IGF2BP1: variants seen among roughly 807,000 people sequenced by gnomAD.
IGF2BP1 encodes insulin-like growth factor 2 mRNA-binding protein 1.
A neutral mutation model predicts 74.9 loss-of-function variants in IGF2BP1; 11 were observed. That is an observed-to-expected ratio of 0.15 (90% CI 0.09 to 0.24). IGF2BP1 has a LOEUF of 0.24. Among genes scored for constraint, IGF2BP1 ranks in the 10% least tolerant of loss-of-function variants. IGF2BP1 has a pLI of 1.00. For synonymous variants in IGF2BP1, 287 were observed against 281.8 expected, an observed-to-expected ratio of 1.02 and a Z score of -0.18; for missense variants, 440 against 757.4, an observed-to-expected ratio of 0.58 and a Z score of 4.92.
intron 2 of IGF2BP1, among the ~76,000 whole-genome samples, chr17:49,023,159 C>T (rs1255735696): frequency 6.6e-6 from 1 of 152,116 alleles, no homozygotes; most frequent in Non-Finnish European, 1.5e-5. Flanking sequence ...GTGGGGGTTC[C>T]CTCTTGGCCA....
intron 2 of IGF2BP1, among the ~76,000 whole-genome samples, chr17:49,015,264 TGCCCGGCCGTGACCGTATG>T (rs1373953353): frequency 6.6e-6 from 1 of 152,196 alleles, no homozygotes; most frequent in Non-Finnish European, 1.5e-5. Flanking sequence ...TGAACCACTT[TGCCCGGCCGTGACCGTATG>T]GCTTTTAAGC....
chr17:49,028,864 G>A (rs1485249825), intron 4 of IGF2BP1, among the ~76,000 whole-genome samples: 1 of 152,174 alleles, frequency 6.6e-6, no homozygotes, highest in Non-Finnish European at 1.5e-5. Context: ...CTGGAGTGCA[G>A]TGGTGCGATC....
chr17:49,043,422 C>G lies in IGF2BP1; in HGVS notation c.1078-6C>G, dbSNP rs1430695539. On this transcript the variant is annotated splice_region_variant and splice_polypyrimidine_tract_variant and intron_variant, in intron 9 of 14. Transcript: ENST00000290341. The stretch of plus-strand genomic sequence containing the variant: ...CTGACTCTTCCTCCTCATCTTTCTT[C>G]CCCAGCTGCAGTCTCACCTGATCCC... 3.7e-6 allele frequency: 6 copies of G among 1,613,658 alleles called. 1 individual carries two copies. The East Asian group carries it at 1.3e-4, about 36-fold the overall frequency.
intron 2 of IGF2BP1, chr17:49,015,021 A>G (rs1307828358): frequency 1.2e-6 from 1 of 818,518 alleles, no homozygotes; most frequent in Non-Finnish European, 1.5e-6. Context: ...TGAAACCCCG[A>G]GTGCCTGAGC....
intron 2 of IGF2BP1, among the ~76,000 whole-genome samples, chr17:49,019,940 A>ATATG (rs2041764336): frequency 1.2e-4 from 6 of 49,896 alleles, no homozygotes; most frequent in African/African-American, 5.6e-4. Flanking sequence ...ATATATATAT[A>ATATG]TATATATATT....
upstream of IGF2BP1, among the ~76,000 whole-genome samples, chr17:48,996,669 G>A (rs191512599): frequency 1.2e-3 from 178 of 152,278 alleles, no homozygotes; most frequent in African/African-American, 4.2e-3. Flanking sequence ...ACCCCGAAAC[G>A]TTATCATTTA....
intron 5 of IGF2BP1, among the ~76,000 whole-genome samples, chr17:49,032,447 T>G (rs1052174706): frequency 6.9e-6 from 1 of 145,732 alleles, no homozygotes; most frequent in Non-Finnish European, 1.5e-5. Context: ...CTGGTGATAG[T>G]TGTGGGGTCC....
At chr17:48,999,077 T>C in intron 1 of IGF2BP1, 32 bp from the exon 2 acceptor site, 1 of 1,317,748 alleles carries the variant, frequency 7.6e-7, no homozygotes, top group East Asian at 2.3e-5. Flanking sequence ...CTGTTCAAGC[T>C]CTCATGGTAA....
chr17:49,024,659 A>G lies in IGF2BP1; in HGVS notation c.237-959A>G, dbSNP rs368835193. Among the ~76,000 whole-genome samples the G allele has an allele frequency of 4.6e-5, 7 of 152,334 alleles. No homozygotes were observed. The East Asian group carries it at 7.7e-4, about 17-fold the overall frequency. ...GAAACGGCCTCAAAGAGGTTAAACAATCTTGTAAAGGTCAGTATTAGTAAG... is the reference window on the plus strand; with the variant it reads ...GAAACGGCCTCAAAGAGGTTAAACAGTCTTGTAAAGGTCAGTATTAGTAAG... On this transcript the variant is annotated intron_variant, in intron 2 of 14. Coordinates refer to ENST00000290341, the MANE Select transcript of IGF2BP1 (RefSeq NM_006546.4).
chr17:49,048,752 C>T lies in IGF2BP1; in HGVS notation c.1642-600C>T, dbSNP rs188792061. Among the ~76,000 whole-genome samples the T allele has an allele frequency of 7.8e-4, 119 of 152,150 alleles. 1 individual carries two copies. The highest frequency in any genetic ancestry group is 1.6e-3 in the Admixed American group (24 of 15,270). On this transcript the variant is annotated intron_variant, in intron 14 of 14. Transcript: ENST00000290341. The stretch of plus-strand genomic sequence containing the variant: ...AGCCCCGCTTCCTGTCAGATCAGGG[C>T]GGCATTAGATTCTCATGGGAGGGCT...
At chr17:49,038,970 C>T (rs933989039) in intron 6 of IGF2BP1, among the ~76,000 whole-genome samples, 36 of 151,396 alleles carry the variant, frequency 2.4e-4, no homozygotes, top group Admixed American at 4.6e-4. Context: ...CTCTGCCTCC[C>T]GGGTTCAAGC....
At chr17:49,040,953 C>T (rs1040172427) in intron 7 of IGF2BP1, among the ~76,000 whole-genome samples, 1 of 152,162 alleles carries the variant, frequency 6.6e-6, no homozygotes, top group Non-Finnish European at 1.5e-5. Flanking sequence ...CCTCTAATCC[C>T]AGCACTTTGG....
intron 5 of IGF2BP1, among the ~76,000 whole-genome samples, 169 bp downstream of exon 5, chr17:49,032,142 CA>C (rs1001039455): frequency 9.9e-5 from 15 of 152,106 alleles, no homozygotes; most frequent in African/African-American, 3.6e-4. Context: ...AAGGTTTCTT[CA>C]GGGGGTCTCC....
In IGF2BP1 at chr17:49,026,528, G is replaced by C. The variant is rs756006490; in HGVS notation, c.337+11G>C. ...AGAACTGTGAGCAAGGTAAGAGTGG[G>C]CCGGGTGTGGGGTGGCACTCGTGGT... On this transcript the variant is annotated intron_variant, in intron 4 of 14. Coordinates refer to ENST00000290341, the MANE Select transcript of IGF2BP1 (RefSeq NM_006546.4). The C allele has an allele frequency of 6.2e-7, 1 of 1,613,412 alleles. No individual in the cohort carries two copies.
chr17:49,041,633 G>A (rs62078404), intron 8 of IGF2BP1, 133 bp downstream of exon 8: 16 of 1,221,870 alleles, frequency 1.3e-5, no homozygotes, highest in Non-Finnish European at 1.8e-5. Flanking sequence ...AAAAACAGTC[G>A]AAGTGGTAAA....
At position 49,043,893 on chromosome 17, in the gene IGF2BP1, C is replaced by A; in HGVS notation, c.1201-74C>A. 3 of 1,569,604 alleles carry A rather than the reference C, an allele frequency of 1.9e-6. No homozygotes were observed. In the South Asian group the frequency reaches 3.6e-5, roughly 19 times the overall value. On this transcript the variant is annotated intron_variant, in intron 10 of 14. Transcript: ENST00000290341. ...CTGTACTCCTTCCTCCTTGAGGATG[C>A]AAGGCAGGGGAGTGGAGGGTTTCTG...
rs374143270 is a variant in IGF2BP1, at chr17:49,041,387, G to A, written c.828G>A (p.Glu276=). ...CCTTTGTCTTCCCAAGGGCTGACGA[G>A]GTTCCCCTGAAGATCCTGGCCCATA... ...KEAKDTKTAD[E]VPLKILAHNN... The change falls in exon 8 of 15, where the codon GAG becomes GAA. Residue 276 remains glutamate, a synonymous_variant. Transcript: ENST00000290341. 5 of 1,613,888 alleles carry A rather than the reference G, an allele frequency of 3.1e-6. No homozygotes were observed. In the African/African-American group the frequency reaches 6.7e-5, roughly 22 times the overall value.
chr17:49,040,139 G>T, intron 7 of IGF2BP1, 48 bp downstream of exon 7: 1 of 1,603,262 alleles, frequency 6.2e-7, no homozygotes, highest in Non-Finnish European at 8.5e-7. Flanking sequence ...TAGTCCAGTT[G>T]AGCCTCCCCA....
Position 49,045,882 on chromosome 17 carries a change from C to G in IGF2BP1, c.1396-8C>G, listed in dbSNP as rs1369919828. 1 of 1,613,138 alleles carries G rather than the reference C, an allele frequency of 6.2e-7. No homozygotes were observed. Among genetic ancestry groups the G allele is most frequent in the South Asian group, 1.1e-5 (1 of 90,934 alleles). On this transcript the variant is annotated splice_polypyrimidine_tract_variant and splice_region_variant and intron_variant, in intron 12 of 14. Transcript: ENST00000290341. ...AACCACTGATTAACAATTACCTCCT[C>G]TTCTCAGGCTCAGGGAAGAATCTAT... is the stretch of plus-strand genomic sequence containing the variant.
Sources: allele counts gnomAD v4.1 joint callset (sites outside exome capture counted in the v4.1 genomes callset), GRCh38; gene constraint gnomAD v4.1.1; transcripts MANE v1.5; gene names NCBI Gene and HGNC (gene_info 2026-07-23, HGNC 2026-07-21).